Variants in CLASP1 observed in about 807,000 individuals in gnomAD.
The protein encoded by CLASP1 is cytoplasmic linker associated protein 1.
A neutral mutation model predicts 192.3 loss-of-function variants in CLASP1; 38 were observed. The observed-to-expected ratio is 0.20, with a 90% confidence interval of 0.15 to 0.26. The LOEUF is 0.26. Among genes scored for constraint, CLASP1 ranks in the 10% least tolerant of loss-of-function variants. CLASP1 has a pLI of 1.00. For missense variants in CLASP1, 1,433 were observed against 1,932.5 expected (o/e 0.74, Z 4.85); for synonymous variants, 691 against 712.8 (o/e 0.97, Z 0.49).
chr2:121,576,029 G>C (rs2060485903), intron 2 of CLASP1, among the ~76,000 whole-genome samples: 1 of 152,114 alleles, frequency 6.6e-6, no homozygotes, highest in Non-Finnish European at 1.5e-5. Context: ...TAATAGCAAG[G>C]TATTACACAA....
At chr2:121,589,813 TA>T (rs1207961995) in intron 2 of CLASP1, among the ~76,000 whole-genome samples, 1 of 151,680 alleles carries the variant, frequency 6.6e-6, no homozygotes, top group Non-Finnish European at 1.5e-5. Flanking sequence ...TATTGGGAGA[TA>T]AATCAATATT....
At chr2:121,614,099 A>AG (rs961925693) in intron 1 of CLASP1, among the ~76,000 whole-genome samples, 15 of 152,188 alleles carry the variant, frequency 9.9e-5, no homozygotes, top group African/African-American at 3.4e-4. Context: ...AAGATGACAA[A>AG]GGGGGAGGCT....
intron 39 of CLASP1, among the ~76,000 whole-genome samples, chr2:121,345,235 G>A (rs886898163): frequency 3.3e-5 from 5 of 152,166 alleles, no homozygotes; most frequent in Non-Finnish European, 5.9e-5. Context: ...AAACCCCTGA[G>A]GAACTAAGGT....
At chr2:121,430,233 T>C in intron 19 of CLASP1, 56 bp from the exon 20 acceptor site, 1 of 1,343,680 alleles carries the variant, frequency 7.4e-7, no homozygotes, top group Non-Finnish European at 1.0e-6. Flanking sequence ...TGCCACCTCC[T>C]CAAGAAAAGA....
chr2:121,638,662 T>C (rs1276323840), intron 1 of CLASP1, among the ~76,000 whole-genome samples: 1 of 140,060 alleles, frequency 7.1e-6, no homozygotes, highest in African/African-American at 3.1e-5. Context: ...AGAATGGTGT[T>C]CTTTTTTATT....
intron 2 of CLASP1, among the ~76,000 whole-genome samples, chr2:121,600,185 G>A (rs2063633602): frequency 6.6e-6 from 1 of 152,156 alleles, no homozygotes; most frequent in African/African-American, 2.4e-5. Flanking sequence ...ATCACTCATG[G>A]AACCAGTATT....
At chr2:121,638,296 A>T (rs974064117) in intron 1 of CLASP1, among the ~76,000 whole-genome samples, 12 of 152,278 alleles carry the variant, frequency 7.9e-5, no homozygotes, top group Middle Eastern at 3.4e-3. Context: ...TAATAAAAAT[A>T]AAAATTAAAA....
chr2:121,579,894 A>G (rs942616228), intron 2 of CLASP1, among the ~76,000 whole-genome samples: 21 of 152,238 alleles, frequency 1.4e-4, no homozygotes, highest in Admixed American at 1.1e-3. Flanking sequence ...AAAGTAGTAA[A>G]TGAAGTCATT....
At chr2:121,627,315 G>A (rs954198592) in intron 1 of CLASP1, among the ~76,000 whole-genome samples, 11 of 152,132 alleles carry the variant, frequency 7.2e-5, no homozygotes, top group African/African-American at 1.4e-4. Context: ...GAAGAAAAAA[G>A]TGGAAAGACA....
In CLASP1 at chr2:121,461,894, G is replaced by A. The variant is rs150697934; in HGVS notation, c.939+638C>T. On this transcript the variant is annotated intron_variant, in intron 10 of 39. Transcript: ENST00000263710. Reference sequence around the variant, plus strand: ...GTTTCGCCATGTCGCCTAGGCCACTGAGATTCTTGTTACCTGCTTTATACA... The same window carrying A: ...GTTTCGCCATGTCGCCTAGGCCACTAAGATTCTTGTTACCTGCTTTATACA... Among the ~76,000 whole-genome samples, 85 of 152,234 alleles carry A rather than the reference G, an allele frequency of 5.6e-4. No individual in the cohort carries two copies. In the East Asian group the frequency reaches 0.016, roughly 28 times the overall value.
chr2:121,384,544 A>G (rs1056430641), intron 32 of CLASP1, among the ~76,000 whole-genome samples: 5 of 152,130 alleles, frequency 3.3e-5, no homozygotes, highest in African/African-American at 1.2e-4. Flanking sequence ...GTTTCTCACT[A>G]TCATCATGAT....
intron 5 of CLASP1, 130 bp from the exon 6 acceptor site, chr2:121,526,050 T>A: frequency 1.5e-6 from 1 of 673,654 alleles, no homozygotes; most frequent in Non-Finnish European, 2.6e-6. Flanking sequence ...TCTCTCTCCA[T>A]CCCATCCACA....
At chr2:121,523,185 A>G (rs775809023) in intron 6 of CLASP1, among the ~76,000 whole-genome samples, 1 of 152,258 alleles carries the variant, frequency 6.6e-6, no homozygotes, top group African/African-American at 2.4e-5. Flanking sequence ...TAGCTCAAGT[A>G]TTAATATTAA....
intron 8 of CLASP1, among the ~76,000 whole-genome samples, chr2:121,487,248 G>A (rs927331839): frequency 1.3e-5 from 2 of 151,920 alleles, no homozygotes; most frequent in Non-Finnish European, 2.9e-5. Context: ...AACCTAATTC[G>A]GGTCTTCCTC....
chr2:121,542,951 A>C (rs2095262669), intron 2 of CLASP1, among the ~76,000 whole-genome samples: 1 of 152,254 alleles, frequency 6.6e-6, no homozygotes, highest in Non-Finnish European at 1.5e-5. Context: ...AGACCAATCC[A>C]ATACAGCTTT....
At chr2:121,381,950 C>A (rs1443206975) in intron 33 of CLASP1, among the ~76,000 whole-genome samples, 1 of 152,062 alleles carries the variant, frequency 6.6e-6, no homozygotes, top group East Asian at 1.9e-4. Context: ...GAAAGGCCCA[C>A]AATAATAGGT....
chr2:121,341,754 G>T (rs576083363), intron 39 of CLASP1, among the ~76,000 whole-genome samples: 131 of 152,248 alleles, frequency 8.6e-4, no homozygotes, highest in African/African-American at 2.8e-3. Context: ...GCAAATAGAG[G>T]ACTTAACCTG....
chr2:121,590,059 CT>C (rs1387794897), intron 2 of CLASP1, among the ~76,000 whole-genome samples: 5 of 152,060 alleles, frequency 3.3e-5, no homozygotes, highest in Admixed American at 3.3e-4. Flanking sequence ...CTTATTTCCT[CT>C]TAAAATGTGC....
chr2:121,404,649 C>T (rs2076649737), intron 25 of CLASP1, among the ~76,000 whole-genome samples: 1 of 152,142 alleles, frequency 6.6e-6, no homozygotes, highest in Non-Finnish European at 1.5e-5. Context: ...CAGTCAACTA[C>T]ATAAGCTTTA....
Sources: allele counts gnomAD v4.1 joint callset (sites outside exome capture counted in the v4.1 genomes callset), GRCh38; gene constraint gnomAD v4.1.1; transcripts MANE v1.5; gene names NCBI Gene and HGNC (gene_info 2026-07-23, HGNC 2026-07-21).